Variants in XPO6 observed in about 807,000 individuals in gnomAD.
XPO6 encodes exportin-6.
In XPO6, 3 loss-of-function variants were observed where a neutral mutation model predicts 130.0. That is an observed-to-expected ratio of 0.02 (90% CI 0.01 to 0.06). The LOEUF (loss-of-function observed/expected upper bound fraction) is 0.06. XPO6 is among the 10% of genes least tolerant of loss of function. XPO6 has a pLI of 1.00. For missense variants in XPO6, 970 were observed against 1,393.0 expected, an observed-to-expected ratio of 0.70 and a Z score of 4.83; for synonymous variants, 524 against 548.9, an observed-to-expected ratio of 0.95 and a Z score of 0.63.
intron 1 of XPO6, among the ~76,000 whole-genome samples, chr16:28,199,362 C>A (rs1034930053): frequency 2.0e-5 from 3 of 152,242 alleles, no homozygotes; most frequent in South Asian, 2.1e-4. Flanking sequence ...ACAACCTCCA[C>A]CTCCCGGGTT....
intron 1 of XPO6, among the ~76,000 whole-genome samples, chr16:28,208,400 G>T (rs904551411): frequency 6.6e-6 from 1 of 152,140 alleles, no homozygotes; most frequent in Non-Finnish European, 1.5e-5. Flanking sequence ...AAGACCCTCC[G>T]CCTGTAAGAC....
chr16:28,134,180 TAC>T (rs1266572892), intron 10 of XPO6, among the ~76,000 whole-genome samples: 1 of 152,224 alleles, frequency 6.6e-6, no homozygotes, highest in African/African-American at 2.4e-5. Context: ...GGTTATAGGA[TAC>T]AGAGATGGAG....
intron 8 of XPO6, among the ~76,000 whole-genome samples, chr16:28,151,627 T>C (rs2043091674): frequency 6.6e-6 from 1 of 152,222 alleles, no homozygotes; most frequent in Admixed American, 6.5e-5. Context: ...CTTCTTGACT[T>C]AGGTGATGGT....
intron 1 of XPO6, among the ~76,000 whole-genome samples, chr16:28,199,648 C>A (rs1172036554): frequency 6.6e-6 from 1 of 151,954 alleles, no homozygotes; most frequent in Non-Finnish European, 1.5e-5. Flanking sequence ...CCCACTACAA[C>A]CTCCACGTCC....
At chr16:28,163,224 C>G (rs1306425882) in intron 6 of XPO6, among the ~76,000 whole-genome samples, 1 of 152,200 alleles carries the variant, frequency 6.6e-6, no homozygotes, top group Non-Finnish European at 1.5e-5. Flanking sequence ...TCCCAAGTCC[C>G]ACCTTTCTAT....
At chr16:28,168,763 A>C (rs1214375005) in intron 5 of XPO6, among the ~76,000 whole-genome samples, 1 of 148,794 alleles carries the variant, frequency 6.7e-6, no homozygotes, top group African/African-American at 2.5e-5. Flanking sequence ...CATCACACCC[A>C]GCTAACTTTT....
intron 8 of XPO6, among the ~76,000 whole-genome samples, chr16:28,150,106 G>A (rs1331738170): frequency 1.3e-5 from 2 of 152,104 alleles, no homozygotes; most frequent in Non-Finnish European, 2.9e-5. Context: ...ACAGTAAGCT[G>A]GGACAGTGTA....
chr16:28,168,670 T>C (rs776363353), intron 5 of XPO6, among the ~76,000 whole-genome samples: 43 of 150,918 alleles, frequency 2.8e-4, no homozygotes, highest in Non-Finnish European at 5.0e-4. Flanking sequence ...GGTACGATCA[T>C]AGGTCACTGC....
rs773821997 is a variant in XPO6 at position 28,180,911 on chromosome 16, T to C, written c.94+30A>G. 8.2e-6 allele frequency: 13 copies of C among 1,584,640 alleles called. No homozygotes were observed. The East Asian group carries it at 2.0e-4, about 25-fold the overall frequency. ...CCTACCAGGGCCTCCTCATTATAAATTCCTCTTTACAAGTCAATGCTCCAC... is the reference window on the plus strand; with the variant it reads ...CCTACCAGGGCCTCCTCATTATAAACTCCTCTTTACAAGTCAATGCTCCAC... On this transcript the variant is annotated intron_variant, in intron 2 of 23. Transcript: ENST00000304658.
At chr16:28,103,991 G>A (rs1447808699) in intron 21 of XPO6, among the ~76,000 whole-genome samples, 1 of 152,246 alleles carries the variant, frequency 6.6e-6, no homozygotes, top group African/African-American at 2.4e-5. Context: ...CAGCCACAGA[G>A]CAGGCTGGCT....
Position 28,117,514 on chromosome 16 carries a change from A to G in XPO6, c.1860-52T>C, listed in dbSNP as rs780758686. 3.8e-6 allele frequency: 6 copies of G among 1,588,538 alleles called. No individual in the cohort carries two copies. The East Asian group carries it at 1.1e-4, about 30-fold the overall frequency. The stretch of plus-strand genomic sequence containing the variant: ...TTAAAGGTTAAGGTGAAAATATATT[A>G]GCGTTCAACTCATTTTCATAGGAGG... On this transcript the variant is annotated intron_variant, in intron 14 of 23. Transcript: ENST00000304658.
chr16:28,159,028 A>C (rs1158122491), intron 6 of XPO6, among the ~76,000 whole-genome samples: 2 of 152,116 alleles, frequency 1.3e-5, no homozygotes, highest in African/African-American at 2.4e-5. Context: ...CCAGGAGTTC[A>C]AAACCAGCTT....
chr16:28,209,060 G>A (rs1181857312), intron 1 of XPO6: 1 of 152,208 alleles, frequency 6.6e-6, no homozygotes, highest in Non-Finnish European at 1.5e-5. Flanking sequence ...AGAACACTGT[G>A]CCATGTGAAA....
chr16:28,197,659 G>C (rs1263149991), intron 1 of XPO6, among the ~76,000 whole-genome samples: 1 of 152,024 alleles, frequency 6.6e-6, no homozygotes, highest in Admixed American at 6.6e-5. Context: ...GCTCACGCCT[G>C]TAATCCCAGC....
intron 9 of XPO6, 74 bp from the exon 10 acceptor site, chr16:28,135,398 T>C: frequency 8.5e-7 from 1 of 1,177,200 alleles, no homozygotes; most frequent in South Asian, 1.3e-5. Flanking sequence ...TCCTGCACTA[T>C]AAAAGAAATG....
At chr16:28,161,630 T>C (rs1435174650) in intron 6 of XPO6, among the ~76,000 whole-genome samples, 1 of 152,214 alleles carries the variant, frequency 6.6e-6, no homozygotes, top group Middle Eastern at 3.4e-3. Context: ...ACAGCCACCA[T>C]CTGCTGTGTG....
At chr16:28,144,222 C>G (rs2042944125) in intron 9 of XPO6, among the ~76,000 whole-genome samples, 1 of 152,186 alleles carries the variant, frequency 6.6e-6, no homozygotes, top group Non-Finnish European at 1.5e-5. Flanking sequence ...AACGTACTAC[C>G]TATAATCACA....
intron 5 of XPO6, among the ~76,000 whole-genome samples, chr16:28,168,136 G>T (rs1286006655): frequency 6.6e-6 from 1 of 152,174 alleles, no homozygotes; most frequent in Non-Finnish European, 1.5e-5. Flanking sequence ...GGACACAGAG[G>T]TATAAAACAT....
Position 28,176,037 on chromosome 16 carries a change from C to T in XPO6, c.266G>A (p.Ser89Asn), listed in dbSNP as rs750743784. The T allele has an allele frequency of 1.2e-6, 2 of 1,614,180 alleles. No individual in the cohort carries two copies. The highest frequency in any genetic ancestry group is 1.1e-5 in the South Asian group (1 of 91,080). Reference sequence around the variant, plus strand: ...AGCCAAAAGGAGTTTGGGCAGACAGCTACGGATTTCCATCTTATCCTGAGA... The same window carrying T: ...AGCCAAAAGGAGTTTGGGCAGACAGTTACGGATTTCCATCTTATCCTGAGA... ...VPSQDKMEIR[S>N]CLPKLLLAHH... Residue 89 changes from serine to asparagine, a missense_variant, in exon 4 of 24, where the codon AGC (serine) becomes AAC (asparagine). Ser to Asn is a conservative substitution (Grantham distance 46). Around this residue, in one of 4 missense-constraint regions of XPO6, gnomAD observed 936 missense variants for 1,306.8 expected, o/e 0.72. Transcript: ENST00000304658.
Sources: allele counts gnomAD v4.1 joint callset (sites outside exome capture counted in the v4.1 genomes callset), GRCh38; gene constraint gnomAD v4.1.1; regional missense constraint gnomAD v4.1.1; transcripts MANE v1.5; gene names NCBI Gene and HGNC (gene_info 2026-07-23, HGNC 2026-07-21).